Variants in NAV1 observed in about 807,000 individuals in gnomAD.
NAV1 encodes the protein pore membrane and/or filament interacting like protein 3.
Under a neutral mutation model 175.2 loss-of-function variants are expected in NAV1, and 18 were observed. The observed-to-expected ratio is 0.10, with a 90% confidence interval of 0.07 to 0.15. The LOEUF is 0.15. Among genes scored for constraint, NAV1 ranks in the 10% least tolerant of loss-of-function variants. NAV1 has a pLI of 1.00. For synonymous variants in NAV1, 897 were observed against 978.7 expected, an observed-to-expected ratio of 0.92 and a Z score of 1.56; for missense variants, 1,731 against 2,436.6, an observed-to-expected ratio of 0.71 and a Z score of 6.10.
chr1:201,790,858 A>G (rs961700421), intron 13 of NAV1, 92 bp downstream of exon 17: 2 of 1,296,140 alleles, frequency 1.5e-6, no homozygotes, highest in Non-Finnish European at 1.1e-6. Flanking sequence ...CTGGTAAGGT[A>G]TCCCCTGGAC....
upstream of NAV1, among the ~76,000 whole-genome samples, chr1:201,621,681 G>GT (rs1339707063): frequency 6.6e-6 from 1 of 152,080 alleles, no homozygotes; most frequent in Non-Finnish European, 1.5e-5. Flanking sequence ...TTTTGAAAAG[G>GT]TTTTTTGCCC....
At chr1:201,597,685 G>A (rs984272601) in intron 2 of NAV1, among the ~76,000 whole-genome samples, 35 of 152,224 alleles carry the variant, frequency 2.3e-4, no homozygotes, top group African/African-American at 7.7e-4. Flanking sequence ...CACAGGAGCC[G>A]GGTTTCCTCC....
chr1:201,699,178 T>C (rs1671309031), intron 1 of NAV1, among the ~76,000 whole-genome samples: 1 of 152,246 alleles, frequency 6.6e-6, no homozygotes, highest in South Asian at 2.1e-4. Context: ...CATGATTGTA[T>C]ATTTAGAAAA....
chr1:201,559,382 A>G (rs1319095102), intron 1 of NAV1, among the ~76,000 whole-genome samples: 2 of 152,140 alleles, frequency 1.3e-5, no homozygotes, highest in African/African-American at 4.8e-5. Flanking sequence ...AGACTCGCAC[A>G]TAAACCACCA....
chr1:201,727,500 A>G (rs1672657272), intron 3 of NAV1, among the ~76,000 whole-genome samples: 1 of 152,198 alleles, frequency 6.6e-6, no homozygotes, highest in Non-Finnish European at 1.5e-5. Flanking sequence ...CACACAAGTG[A>G]CCATGACCTC....
intron 1 of NAV1, among the ~76,000 whole-genome samples, chr1:201,709,492 T>C (rs1048542084): frequency 1.3e-5 from 2 of 152,182 alleles, no homozygotes; most frequent in Non-Finnish European, 2.9e-5. Flanking sequence ...CTTTCTTTTG[T>C]ACACAGGTAA....
chr1:201,784,715 T>C (rs1438964395), intron 7 of NAV1, among the ~76,000 whole-genome samples: 1 of 152,026 alleles, frequency 6.6e-6, no homozygotes, highest in Non-Finnish European at 1.5e-5. Context: ...TAATATGATC[T>C]TTTAAATAAC....
intron 1 of NAV1, among the ~76,000 whole-genome samples, chr1:201,584,076 A>G (rs1436774530): frequency 6.6e-6 from 1 of 152,256 alleles, no homozygotes; most frequent in Non-Finnish European, 1.5e-5. Context: ...TGGGAAGGAC[A>G]CTAGCATTTA....
intron 3 of NAV1, among the ~76,000 whole-genome samples, chr1:201,766,050 A>G (rs553143055): frequency 5.3e-5 from 8 of 152,316 alleles, no homozygotes; most frequent in Admixed American, 5.2e-4. Flanking sequence ...CTTACTGCCA[A>G]TATATCAAGG....
chr1:201,763,444 T>C (rs1674987858), intron 3 of NAV1, among the ~76,000 whole-genome samples: 2 of 152,200 alleles, frequency 1.3e-5, no homozygotes, highest in Non-Finnish European at 2.9e-5. Flanking sequence ...TTTCCTGACT[T>C]GGAAACATCT....
At chr1:201,733,250 C>T (rs1186974374) in intron 3 of NAV1, among the ~76,000 whole-genome samples, 3 of 151,922 alleles carry the variant, frequency 2.0e-5, no homozygotes, top group African/African-American at 4.8e-5. Context: ...CATGGTGATG[C>T]GTGCCTGTAG....
chr1:201,678,145 A>T (rs1670326156), intron 1 of NAV1, among the ~76,000 whole-genome samples: 1 of 152,198 alleles, frequency 6.6e-6, no homozygotes, highest in South Asian at 2.1e-4. Context: ...CACCACCCTG[A>T]TAAAGTAGGT....
At chr1:201,702,408 C>A (rs56089593) in intron 1 of NAV1, among the ~76,000 whole-genome samples, 2 of 151,818 alleles carry the variant, frequency 1.3e-5, no homozygotes, top group Admixed American at 6.6e-5. Context: ...CTCTTGTTGC[C>A]CAGGCTGGAG....
chr1:201,594,053 A>G (rs1667282112), intron 2 of NAV1, among the ~76,000 whole-genome samples: 1 of 148,762 alleles, frequency 6.7e-6, no homozygotes, highest in Non-Finnish European at 1.5e-5. Flanking sequence ...GAAGTCTGGC[A>G]GCAGGCAAGG....
chr1:201,768,333 GAAAAA>G (rs57027212), intron 3 of NAV1, among the ~76,000 whole-genome samples: 10 of 105,672 alleles, frequency 9.5e-5, no homozygotes, highest in African/African-American at 2.4e-4. Flanking sequence ...CCGTCTCAGA[GAAAAA>G]AAAAAAAAAA....
At chr1:201,715,888 C>T (rs910161289) in intron 2 of NAV1, among the ~76,000 whole-genome samples, 1 of 152,080 alleles carries the variant, frequency 6.6e-6, no homozygotes, top group Non-Finnish European at 1.5e-5. Context: ...GAAACTGTGT[C>T]CTCCCCAGAG....
exon 30 of NAV1, chr1:201,824,435 C>T (rs1260630486): frequency 6.6e-6 from 1 of 152,016 alleles, no homozygotes; most frequent in African/African-American, 2.4e-5. Context: ...TTTAATAAGT[C>T]CTGAATCAAC....
intron 3 of NAV1, among the ~76,000 whole-genome samples, chr1:201,762,163 AAAAC>A (rs539636388): frequency 3.9e-4 from 60 of 152,330 alleles, no homozygotes; most frequent in Non-Finnish European, 7.2e-4. Context: ...TGTCTCAAAG[AAAAC>A]AAACAAACAA....
At chr1:201,794,834 G>A (rs975215646) in intron 15 of NAV1, 10 of 424,616 alleles carry the variant, frequency 2.4e-5, no homozygotes, top group East Asian at 1.2e-4. Context: ...TTTACCTCAC[G>A]GCCAAAGAGC....
Sources: gnomAD v4.1 joint callset for allele counts (sites outside exome capture counted in the v4.1 genomes callset) on GRCh38, gnomAD v4.1.1 for gene constraint, MANE v1.5 for transcripts, NCBI Gene and HGNC (gene_info 2026-07-23, HGNC 2026-07-21) for gene names.